DLGAP1: variants seen among roughly 807,000 people sequenced by gnomAD.
DLGAP1 encodes the protein disks large-associated protein 1.
A neutral mutation model predicts 90.8 loss-of-function variants in DLGAP1; 11 were observed. The ratio of observed to expected loss-of-function variants is 0.12; its 90% CI spans 0.08 to 0.20. DLGAP1 has a LOEUF of 0.20. Among genes scored for constraint, DLGAP1 ranks in the 10% least tolerant of loss-of-function variants. The pLI is 1.00. For missense variants in DLGAP1, 1,050 were observed against 1,333.8 expected (o/e 0.79, Z 3.31); for synonymous variants, 558 against 540.7 (o/e 1.03, Z -0.44).
At chr18:4,404,501 A>T (rs538510359) in intron 1 of DLGAP1, among the ~76,000 whole-genome samples, 1 of 152,330 alleles carries the variant, frequency 6.6e-6, no homozygotes, top group African/African-American at 2.4e-5. Flanking sequence ...GGTAGACAAT[A>T]AAAGCACAGC....
At chr18:4,069,107 T>G (rs974224332) in intron 2 of DLGAP1, among the ~76,000 whole-genome samples, 2 of 152,218 alleles carry the variant, frequency 1.3e-5, no homozygotes, top group South Asian at 2.1e-4. Context: ...TTACCTGGCA[T>G]GCAGCACAAT....
Position 4,145,030 on chromosome 18 carries a change from C to T in DLGAP1, c.-159+6150G>A, listed in dbSNP as rs191241951. 1.6e-4 allele frequency among the ~76,000 whole-genome samples: 25 copies of T among 152,272 alleles called. No homozygotes were observed. In the East Asian group the frequency reaches 1.9e-3, roughly 12 times the overall value. On this transcript the variant is annotated intron_variant, in intron 2 of 12. Transcript: ENST00000315677. ...ACGTTTCTTTCAGAGAGTACTTAAT[C>T]GGTCATTTTATTAAAAATGCCAATG...
chr18:3,778,379 T>C (rs1646182160), intron 5 of DLGAP1, among the ~76,000 whole-genome samples: 1 of 151,884 alleles, frequency 6.6e-6, no homozygotes, highest in African/African-American at 2.4e-5. Context: ...AGGCGGAGGT[T>C]GCAGTGAGCT....
At chr18:4,018,997 G>A (rs1408809406) in intron 2 of DLGAP1, among the ~76,000 whole-genome samples, 1 of 152,228 alleles carries the variant, frequency 6.6e-6, no homozygotes. Flanking sequence ...TGAAGCAGCT[G>A]AAAGAAGTGA....
intron 5 of DLGAP1, chr18:3,774,373 TGTGA>T: frequency 1.3e-5 from 2 of 152,284 alleles, no homozygotes; most frequent in African/African-American, 4.8e-5. Context: ...GTCGTTATGG[TGTGA>T]GTATCATATA....
At chr18:3,903,266 A>C (rs1260844198) in intron 3 of DLGAP1, among the ~76,000 whole-genome samples, 2 of 152,200 alleles carry the variant, frequency 1.3e-5, no homozygotes. Context: ...CAGCAAACCC[A>C]GTAGAAAGTG....
intron 7 of DLGAP1, among the ~76,000 whole-genome samples, chr18:3,628,408 G>A (rs544063527): frequency 2.5e-4 from 38 of 151,896 alleles, no homozygotes; most frequent in African/African-American, 7.7e-4. Flanking sequence ...CAGGGGTCTT[G>A]TACTCCTGAC....
intron 3 of DLGAP1, among the ~76,000 whole-genome samples, chr18:3,997,981 C>T (rs911096205): frequency 3.3e-5 from 5 of 152,068 alleles, no homozygotes; most frequent in Non-Finnish European, 7.4e-5. Flanking sequence ...CCAGGTACAT[C>T]ATCAGACTGA....
intron 2 of DLGAP1, among the ~76,000 whole-genome samples, chr18:4,136,968 T>TAAC (rs2076412327): frequency 6.6e-6 from 1 of 152,214 alleles, no homozygotes; most frequent in Non-Finnish European, 1.5e-5. Context: ...GTTACATATG[T>TAAC]ATACATGTGC....
At chr18:3,719,334 G>C (rs765857578) in intron 7 of DLGAP1, among the ~76,000 whole-genome samples, 2 of 151,832 alleles carry the variant, frequency 1.3e-5, no homozygotes, top group Non-Finnish European at 2.9e-5. Context: ...TGGGAGGCCG[G>C]GGTGGGCGGA....
intron 1 of DLGAP1, among the ~76,000 whole-genome samples, chr18:4,242,726 A>G (rs141940537): frequency 1.7e-3 from 258 of 152,180 alleles, no homozygotes; most frequent in African/African-American, 6.0e-3. Context: ...CATACCTGTG[A>G]GGGCTAGATC....
At chr18:3,570,348 G>A (rs939927560) in intron 8 of DLGAP1, among the ~76,000 whole-genome samples, 5 of 150,224 alleles carry the variant, frequency 3.3e-5, no homozygotes, top group Non-Finnish European at 7.4e-5. Flanking sequence ...GTATGATCTC[G>A]GCTCAGTGCA....
chr18:4,373,388 A>T (rs1334851323), intron 1 of DLGAP1, among the ~76,000 whole-genome samples: 1 of 152,142 alleles, frequency 6.6e-6, no homozygotes, highest in Non-Finnish European at 1.5e-5. Flanking sequence ...GTGAGAAAAC[A>T]AGCAAGTGAG....
chr18:3,567,132 G>A (rs971405451), intron 9 of DLGAP1, among the ~76,000 whole-genome samples: 1 of 151,886 alleles, frequency 6.6e-6, no homozygotes, highest in African/African-American at 2.4e-5. Context: ...TAAGTGTTGG[G>A]AATAGAAATA....
intron 6 of DLGAP1, among the ~76,000 whole-genome samples, chr18:3,731,308 T>C (rs1255569693): frequency 6.6e-6 from 1 of 150,532 alleles, no homozygotes. Flanking sequence ...CGGATGATTA[T>C]CTTTCCAGAT....
intron 6 of DLGAP1, among the ~76,000 whole-genome samples, chr18:3,734,126 T>C (rs988594663): frequency 4.6e-5 from 7 of 152,240 alleles, no homozygotes; most frequent in Non-Finnish European, 8.8e-5. Flanking sequence ...TTTTTCTTAC[T>C]TGTTCTGTTC....
intron 7 of DLGAP1, among the ~76,000 whole-genome samples, chr18:3,642,859 T>C (rs2058987499): frequency 6.6e-6 from 1 of 152,170 alleles, no homozygotes; most frequent in South Asian, 2.1e-4. Flanking sequence ...GTACAAAAGG[T>C]ACAGCCCCTT....
At chr18:3,559,559 C>T (rs1307455976) in intron 9 of DLGAP1, among the ~76,000 whole-genome samples, 1 of 147,368 alleles carries the variant, frequency 6.8e-6, no homozygotes, top group African/African-American at 2.6e-5. Flanking sequence ...TTTCTTTTAC[C>T]TCTTTTTAGT....
intron 3 of DLGAP1, chr18:3,978,747 C>T (rs200979410): frequency 3.3e-5 from 5 of 152,776 alleles, no homozygotes; most frequent in Admixed American, 6.5e-5. Flanking sequence ...CTAGAACTTT[C>T]GAAGGCGATT....
Sources: gnomAD v4.1 joint callset for allele counts (sites outside exome capture counted in the v4.1 genomes callset) on GRCh38, gnomAD v4.1.1 for gene constraint, MANE v1.5 for transcripts, NCBI Gene and HGNC (gene_info 2026-07-23, HGNC 2026-07-21) for gene names.